SLC36A1: variants seen among roughly 807,000 people sequenced by gnomAD.
SLC36A1 encodes solute carrier family 36 member 1.
Under a neutral mutation model 47.5 loss-of-function variants are expected in SLC36A1, and 30 were observed. That is an observed-to-expected ratio of 0.63 (90% confidence interval 0.47 to 0.86). The LOEUF is 0.86. Among genes scored for constraint, SLC36A1 ranks in the 40% least tolerant of loss-of-function variants. The pLI is 0.00. For synonymous variants in SLC36A1, 255 were observed against 249.7 expected, an observed-to-expected ratio of 1.02 and a Z score of -0.20; for missense variants, 517 against 606.0, an observed-to-expected ratio of 0.85 and a Z score of 1.54.
At chr5:151,381,245 A>T in the SLC36A1 span, 1 of 287,314 alleles carries the variant, frequency 3.5e-6, no homozygotes, top group South Asian at 4.1e-5. Flanking sequence ...CATGGCTCCT[A>T]TTGCTCATTT....
At chr5:151,395,189 G>A in the SLC36A1 span, among the ~76,000 whole-genome samples, 29 of 152,352 alleles carry the variant, frequency 1.9e-4, no homozygotes, top group Admixed American at 1.3e-3. Context: ...CTCTGTGGGC[G>A]TGGGACCCTC....
rs1760149460 is a variant in SLC36A1, at chr5:151,491,872, T to C, written c.*3618T>C. The C allele has an allele frequency of 6.6e-6, 1 of 152,270 alleles. No individual in the cohort carries two copies. Among genetic ancestry groups the C allele is most frequent in the Non-Finnish European group, 1.5e-5 (1 of 68,062 alleles). 9.4% of individuals were successfully genotyped at this position (152,270 alleles called of 1,614,324 possible). ...GGGGAAAAGGAAGGGGTGTGGTTTG[T>C]CTTTGAAATTACGGTTAATACTTTT... On this transcript the variant is annotated 3_prime_UTR_variant, in exon 11 of 11. Transcript: ENST00000243389.
chr5:151,507,708 A>C, the SLC36A1 span: 2 of 1,131,754 alleles, frequency 1.8e-6, no homozygotes, highest in Non-Finnish European at 1.2e-6. Context: ...CTCCCCCCAA[A>C]ACCTACCATC....
the SLC36A1 span, among the ~76,000 whole-genome samples, chr5:151,365,096 A>G: frequency 1.3e-5 from 2 of 152,140 alleles, no homozygotes; most frequent in Non-Finnish European, 1.5e-5. Flanking sequence ...TGCTCCTCTA[A>G]AACAACTTAG....
At chr5:151,417,767 G>A in the SLC36A1 span, among the ~76,000 whole-genome samples, 16 of 152,236 alleles carry the variant, frequency 1.1e-4, no homozygotes, top group Admixed American at 5.2e-4. Flanking sequence ...AGTTTTGGTG[G>A]GGGGAATTCA....
downstream of SLC36A1, among the ~76,000 whole-genome samples, chr5:151,495,755 T>A (rs930625152): frequency 6.6e-6 from 1 of 152,210 alleles, no homozygotes; most frequent in Non-Finnish European, 1.5e-5. Context: ...ATAATAATAA[T>A]TCAATAAATT....
intron 1 of SLC36A1, among the ~76,000 whole-genome samples, chr5:151,439,153 A>G (rs1752476570): frequency 1.3e-5 from 2 of 151,962 alleles, no homozygotes; most frequent in Admixed American, 1.3e-4. Context: ...GGAAACTGCC[A>G]CTTTTAAACC....
At chr5:151,443,302 C>T (rs1323519078), upstream of SLC36A1, among the ~76,000 whole-genome samples, 1 of 152,076 alleles carries the variant, frequency 6.6e-6, no homozygotes, top group Non-Finnish European at 1.5e-5. Flanking sequence ...ACTAGAATTC[C>T]CTTTTCTCGA....
chr5:151,518,377 T>TATTATTATTA, the SLC36A1 span, among the ~76,000 whole-genome samples: 1 of 128,456 alleles, frequency 7.8e-6, no homozygotes, highest in African/African-American at 4.4e-5. Flanking sequence ...TAATAATAAT[T>TATTATTATTA]TTTAAAAGAA....
chr5:151,521,532 C>T, the SLC36A1 span: 2 of 1,614,236 alleles, frequency 1.2e-6, no homozygotes, highest in Non-Finnish European at 1.7e-6. Context: ...CAGAATGCCC[C>T]TCAAAGACCA....
chr5:151,452,210 T>C (rs1266432408), intron 1 of SLC36A1: 1 of 152,244 alleles, frequency 6.6e-6, no homozygotes, highest in Non-Finnish European at 1.5e-5. Flanking sequence ...TGGAATGTTC[T>C]GCTCTGGTAA....
At chr5:151,383,430 G>A in the SLC36A1 span, among the ~76,000 whole-genome samples, 1 of 152,180 alleles carries the variant, frequency 6.6e-6, no homozygotes, top group Admixed American at 6.5e-5. Flanking sequence ...TACAGCTTGT[G>A]ATGAGTACTA....
At chr5:151,456,495 G>T (rs1295796435) in intron 1 of SLC36A1, among the ~76,000 whole-genome samples, 1 of 152,196 alleles carries the variant, frequency 6.6e-6, no homozygotes, top group African/African-American at 2.4e-5. Context: ...ACTGATTTAC[G>T]AGCTTATACC....
chr5:151,454,319 T>C (rs1489749954), intron 1 of SLC36A1, among the ~76,000 whole-genome samples: 1 of 152,042 alleles, frequency 6.6e-6, no homozygotes, highest in Non-Finnish European at 1.5e-5. Flanking sequence ...ATTGCAGCAA[T>C]AGACTTGGCT....
In SLC36A1 at chr5:151,473,687, C is replaced by T; in HGVS notation, c.738C>T (p.Pro246=). The change falls in exon 8 of 11, where the codon CCC becomes CCT. Residue 246 remains proline (P), a synonymous_variant. Coordinates refer to ENST00000243389, the MANE Select transcript of SLC36A1 (RefSeq NM_078483.4). ...YQFIVQRIPD[P]SHLPLVAPWK... ...CTGTCTTTCAGAGGATCCCAGACCCCAGCCACCTCCCCTTGGTGGCCCCTT... is the reference window on the plus strand; with the variant it reads ...CTGTCTTTCAGAGGATCCCAGACCCTAGCCACCTCCCCTTGGTGGCCCCTT... 2 of 1,612,612 alleles carry T rather than the reference C, an allele frequency of 1.2e-6. No individual in the cohort carries two copies. Among genetic ancestry groups the T allele is most frequent in the East Asian group, 2.2e-5 (1 of 44,868 alleles).
chr5:151,352,890 A>G, the SLC36A1 span, among the ~76,000 whole-genome samples: 118 of 152,326 alleles, frequency 7.7e-4, no homozygotes, highest in Non-Finnish European at 1.5e-3. Flanking sequence ...CACATCTTCA[A>G]AGGGTATGAT....
chr5:151,367,727 A>G, the SLC36A1 span, among the ~76,000 whole-genome samples: 1 of 152,200 alleles, frequency 6.6e-6, no homozygotes, highest in Non-Finnish European at 1.5e-5. Context: ...TAAAAGTATT[A>G]TTTGAGAACT....
the SLC36A1 span, among the ~76,000 whole-genome samples, chr5:151,390,145 T>C: frequency 6.6e-6 from 1 of 152,250 alleles, no homozygotes; most frequent in Admixed American, 6.5e-5. Flanking sequence ...TTGATTTGCA[T>C]TTCTCTGATG....
At chr5:151,390,562 C>T in the SLC36A1 span, among the ~76,000 whole-genome samples, 1 of 152,118 alleles carries the variant, frequency 6.6e-6, no homozygotes, top group African/African-American at 2.4e-5. Flanking sequence ...AGTCTTTAGT[C>T]CATCTTGAAT....
Sources: gnomAD v4.1 joint callset for allele counts (sites outside exome capture counted in the v4.1 genomes callset) on GRCh38, gnomAD v4.1.1 for gene constraint, MANE v1.5 for transcripts, NCBI Gene and HGNC (gene_info 2026-07-23, HGNC 2026-07-21) for gene names.